Variants in MCM8 observed in about 807,000 individuals in gnomAD.
MCM8 encodes minichromosome maintenance 8 homologous recombination repair factor, also known as DNA helicase MCM8.
A neutral mutation model predicts 98.9 loss-of-function variants in MCM8; 85 were observed. The ratio of observed to expected loss-of-function variants is 0.86; its 90% CI spans 0.72 to 1.03. The LOEUF is 1.03. MCM8 is among the 50% of genes least tolerant of loss of function. The pLI is 0.00. For synonymous variants in MCM8, 352 were observed against 338.6 expected, an observed-to-expected ratio of 1.04 and a Z score of -0.44; for missense variants, 951 against 997.8, an observed-to-expected ratio of 0.95 and a Z score of 0.63.
intron 13 of MCM8, among the ~76,000 whole-genome samples, chr20:5,981,662 T>C (rs889606690): frequency 6.6e-6 from 1 of 152,182 alleles, no homozygotes. Context: ...TTATTATACA[T>C]GAGCAAGGCA....
rs1356946767 is a variant in MCM8, at chr20:5,984,939, A to G, written c.1892A>G (p.Gln631Arg). 2.5e-6 allele frequency: 4 copies of G among 1,614,178 alleles called. No homozygotes were observed. Among genetic ancestry groups the G allele is most frequent in the East Asian group, 2.2e-5 (1 of 44,866 alleles). Residue 631 changes from glutamine (Q) to arginine (R), a missense_variant, in exon 15 of 19, where the codon CAA (glutamine) becomes CGA (arginine). Coordinates refer to ENST00000610722, the MANE Select transcript of MCM8 (RefSeq NM_032485.6). Reference sequence around the variant, plus strand: ...GCCACAGTAGCTCGTATGAATAGTCAAGATTCAAATACTTCCGTACTTGAA... The same window carrying G: ...GCCACAGTAGCTCGTATGAATAGTCGAGATTCAAATACTTCCGTACTTGAA... The part of the protein sequence containing the change: ...SSATVARMNS[Q>R]DSNTSVLEVV...
At chr20:5,966,739 G>T (rs1320695482) in intron 8 of MCM8, among the ~76,000 whole-genome samples, 2 of 152,120 alleles carry the variant, frequency 1.3e-5, no homozygotes, top group Non-Finnish European at 2.9e-5. Flanking sequence ...ATGTGTTTTT[G>T]AATTGGAATT....
chr20:5,984,421 A>C (rs1488770103), intron 14 of MCM8, among the ~76,000 whole-genome samples: 1 of 152,226 alleles, frequency 6.6e-6, no homozygotes, highest in African/African-American at 2.4e-5. Flanking sequence ...AAAATCCAGC[A>C]GACTTGGATT....
chr20:5,959,768 G>A (rs982761083), intron 7 of MCM8, among the ~76,000 whole-genome samples: 7 of 141,176 alleles, frequency 5.0e-5, no homozygotes, highest in African/African-American at 1.9e-4. Context: ...GCGCGATCTT[G>A]GCTCACCGCA....
In MCM8 at chr20:5,984,986, T is replaced by C; in HGVS notation, c.1939T>C (p.Ser647Pro). 2 of 1,613,312 alleles carry C rather than the reference T, an allele frequency of 1.2e-6. No homozygotes were observed. The highest frequency in any genetic ancestry group is 2.2e-5 in the East Asian group (1 of 44,858). The change falls in exon 15 of 19, where the codon TCA (serine) becomes CCA (proline). Residue 647 changes from serine (S) to proline (P), a missense_variant. Physicochemically the swap from Ser to Pro is moderately conservative, Grantham distance 74. Transcript: ENST00000610722. ...VLEVVSEKPL[S>P]ERLKVVPGET... ...TGAAGTAGTTTCTGAGAAGCCATTA[T>C]CAGAAAGACTAAAGGTATAAATGTT... is the stretch of plus-strand genomic sequence containing the variant.
intron 17 of MCM8, among the ~76,000 whole-genome samples, chr20:5,993,089 G>T (rs1201035973): frequency 6.6e-6 from 1 of 152,146 alleles, no homozygotes; most frequent in East Asian, 1.9e-4. Flanking sequence ...CATTCCTAGA[G>T]TATTTTAAAT....
chr20:5,982,217 G>T (rs1252767409), intron 13 of MCM8, among the ~76,000 whole-genome samples: 1 of 152,096 alleles, frequency 6.6e-6, no homozygotes, highest in Non-Finnish European at 1.5e-5. Context: ...TACCAGTTAG[G>T]TTAGCAGCTG....
chr20:5,956,805 AT>A (rs558916748), intron 5 of MCM8, among the ~76,000 whole-genome samples: 6,084 of 144,400 alleles, frequency 0.042, 129 homozygotes, highest in Middle Eastern at 0.11. Flanking sequence ...ATAGGAATGC[AT>A]TTTTTTTTTT....
chr20:5,985,795 C>T, intron 15 of MCM8, 127 bp from the exon 16 acceptor site: 1 of 846,696 alleles, frequency 1.2e-6, no homozygotes, highest in East Asian at 2.7e-5. Context: ...ATGTGTCCTC[C>T]TTGGCCTCCC....
chr20:5,977,291 C>G (rs2089531373), intron 12 of MCM8, among the ~76,000 whole-genome samples: 1 of 152,138 alleles, frequency 6.6e-6, no homozygotes, highest in African/African-American at 2.4e-5. Flanking sequence ...TTGTTCAGGG[C>G]AATGCTGTGA....
chr20:5,956,926 A>G (rs1354151778), intron 5 of MCM8, among the ~76,000 whole-genome samples, 200 bp from the exon 6 acceptor site: 1 of 152,152 alleles, frequency 6.6e-6, no homozygotes, highest in African/African-American at 2.4e-5. Flanking sequence ...TTTTCAGCAC[A>G]GGGACAGCAA....
intron 9 of MCM8, 96 bp from the exon 10 acceptor site, chr20:5,967,734 T>G: frequency 7.4e-7 from 1 of 1,348,798 alleles, no homozygotes; most frequent in South Asian, 1.5e-5. Context: ...AAAACATGTA[T>G]TTGTAGCTCC....
rs748158006 is a variant in MCM8, at chr20:5,984,967, A to C, written c.1920A>C (p.Val640=). ...SQDSNTSVLE[V]VSEKPLSERL... is the part of the protein sequence containing the mutation. ...ATTCAAATACTTCCGTACTTGAAGT[A>C]GTTTCTGAGAAGCCATTATCAGAAA... Residue 640 remains valine, a synonymous_variant, in exon 15 of 19, where the codon GTA becomes GTC. Coordinates refer to ENST00000610722, the MANE Select transcript of MCM8 (RefSeq NM_032485.6). 3.9e-5 allele frequency: 63 copies of C among 1,613,890 alleles called. No individual in the cohort carries two copies. The highest frequency in any genetic ancestry group is 1.5e-4 in the African/African-American group (11 of 74,944).
intron 12 of MCM8, among the ~76,000 whole-genome samples, chr20:5,975,713 G>A (rs1316238609): frequency 4.0e-5 from 6 of 151,072 alleles, no homozygotes; most frequent in African/African-American, 1.2e-4. Context: ...AGCGAGGAGG[G>A]TCTCCATCTC....
rs745712981 is a variant in MCM8, at chr20:5,987,300, T to G, written c.2182T>G (p.Leu728Val). 7.4e-6 allele frequency: 12 copies of G among 1,613,314 alleles called. No individual in the cohort carries two copies. Among genetic ancestry groups the G allele is most frequent in the Non-Finnish European group, 9.3e-6 (11 of 1,179,716 alleles). Residue 728 changes from leucine (L) to valine (V), a missense_variant, in exon 17 of 19, where the codon TTG becomes GTG. Coordinates refer to ENST00000610722, the MANE Select transcript of MCM8 (RefSeq NM_032485.6). ...RLTEARARLELREEATKEDAE... is the reference protein window; with the variant it reads ...RLTEARARLEVREEATKEDAE... ...TTTAAAGGCACGAGCAAGGTTGGAATTGAGAGAGGAAGCAACCAAAGAAGA... is the reference window on the plus strand; with the variant it reads ...TTTAAAGGCACGAGCAAGGTTGGAAGTGAGAGAGGAAGCAACCAAAGAAGA...
chr20:5,987,491 C>T, intron 17 of MCM8, 133 bp downstream of exon 17: 1 of 630,922 alleles, frequency 1.6e-6, no homozygotes, highest in Non-Finnish European at 2.6e-6. Context: ...AGTACCGTTT[C>T]TTAGTTTAAA....
intron 3 of MCM8, 99 bp downstream of exon 3, chr20:5,952,627 A>G: frequency 1.0e-6 from 1 of 955,954 alleles, no homozygotes; most frequent in Non-Finnish European, 1.6e-6. Context: ...TTACTAACAT[A>G]TACCTGCTTT....
intron 7 of MCM8, among the ~76,000 whole-genome samples, chr20:5,959,459 G>A (rs1047682895): frequency 1.1e-4 from 16 of 151,982 alleles, no homozygotes; most frequent in African/African-American, 3.4e-4. Context: ...AATGTAACAC[G>A]CAGCTGTTTT....
At chr20:5,983,372 A>C (rs1227474038) in intron 14 of MCM8, among the ~76,000 whole-genome samples, 1 of 152,220 alleles carries the variant, frequency 6.6e-6, no homozygotes, top group African/African-American at 2.4e-5. Context: ...CAAACATTTT[A>C]AATATTAATC....
Sources: allele counts gnomAD v4.1 joint callset (sites outside exome capture counted in the v4.1 genomes callset), GRCh38; gene constraint gnomAD v4.1.1; transcripts MANE v1.5; gene names NCBI Gene and HGNC (gene_info 2026-07-23, HGNC 2026-07-21).